SYNJ1: variants seen among roughly 807,000 people sequenced by gnomAD.
SYNJ1 encodes polyphosphatidylinositol phosphatase SYNJ1.
In SYNJ1, 78 loss-of-function variants were observed where a neutral mutation model predicts 168.2. The ratio of observed to expected loss-of-function variants is 0.46; its 90% CI spans 0.39 to 0.56. The LOEUF is 0.56. Among genes scored for constraint, SYNJ1 ranks in the 20% least tolerant of loss-of-function variants. The pLI is 0.00. For synonymous variants in SYNJ1, 539 were observed against 548.6 expected (o/e 0.98, Z 0.24); for missense variants, 1,303 against 1,597.6 (o/e 0.82, Z 3.14).
intron 11 of SYNJ1, among the ~76,000 whole-genome samples, chr21:32,681,197 A>G (rs931242641): frequency 6.6e-6 from 1 of 152,214 alleles, no homozygotes; most frequent in Non-Finnish European, 1.5e-5. Flanking sequence ...TAAAACAGAT[A>G]TACAAGGGAA....
chr21:32,655,605 C>G (rs1050008894), intron 21 of SYNJ1, among the ~76,000 whole-genome samples: 5 of 152,042 alleles, frequency 3.3e-5, no homozygotes, highest in African/African-American at 9.7e-5. Flanking sequence ...CTGACTTTCC[C>G]TACTAGATTA....
intron 2 of SYNJ1, among the ~76,000 whole-genome samples, chr21:32,713,334 A>G (rs1013096522): frequency 6.9e-6 from 1 of 145,762 alleles, no homozygotes; most frequent in Non-Finnish European, 1.5e-5. Context: ...GTCAACATGG[A>G]TGATTTCCCA....
At chr21:32,710,161 T>C (rs1229024556) in intron 2 of SYNJ1, among the ~76,000 whole-genome samples, 4 of 152,004 alleles carry the variant, frequency 2.6e-5, no homozygotes, top group East Asian at 1.9e-4. Flanking sequence ...GATTACATCA[T>C]TGTACTCCAG....
At chr21:32,639,243 A>C (rs1179320343) in intron 30 of SYNJ1, 118 bp from the exon 31 acceptor site, 1 of 923,012 alleles carries the variant, frequency 1.1e-6, no homozygotes. Flanking sequence ...AAGTAGCCTC[A>C]TTTCTTGTGG....
rs370642451 is a variant in SYNJ1 at position 32,659,983 on chromosome 21, C to T, written c.2305-2111G>A. Among the ~76,000 whole-genome samples, 122 of 152,324 alleles carry T rather than the reference C, an allele frequency of 8.0e-4. 1 individual carries two copies. The highest frequency in any genetic ancestry group is 2.5e-3 in the African/African-American group (105 of 41,554). On this transcript the variant is annotated intron_variant, in intron 18 of 32. Transcript: ENST00000674351. The stretch of plus-strand genomic sequence containing the variant: ...AGCACTTCCGGGTAGGTAATTGCCC[C>T]GGTCGAACGCCTCACCACAGCAGCG...
chr21:32,710,688 T>G (rs1329180705), intron 2 of SYNJ1, among the ~76,000 whole-genome samples: 1 of 152,126 alleles, frequency 6.6e-6, no homozygotes, highest in Non-Finnish European at 1.5e-5. Context: ...TTGCACCTGA[T>G]TGATTTGGAC....
chr21:32,722,189 GA>G (rs869294126), intron 2 of SYNJ1, among the ~76,000 whole-genome samples: 1,711 of 112,462 alleles, frequency 0.015, 13 homozygotes, highest in East Asian at 0.04. Context: ...CCATCTCAAA[GA>G]AAAAAAAAAA....
Position 32,629,498 on chromosome 21 carries a change from A to G in SYNJ1, c.*2307T>C, listed in dbSNP as rs145554788. The G allele has an allele frequency of 5.2e-5, 8 of 152,772 alleles. No individual in the cohort carries two copies. Among genetic ancestry groups the G allele is most frequent in the South Asian group, 2.1e-4 (1 of 4,830 alleles). 9.5% of individuals were successfully genotyped at this position (152,772 alleles called of 1,614,324 possible). A position where few individuals can be genotyped will look rare whatever the true frequency, so the allele number is the denominator to read the frequency against. The stretch of plus-strand genomic sequence containing the variant: ...GCTTTTTTTCTAATAGATTTGCTTT[A>G]TAAGTGCAGTGCAGTTTGCTGTGCT... On this transcript the variant is annotated 3_prime_UTR_variant, in exon 33 of 33. Transcript: ENST00000674351.
chr21:32,727,021 G>A (rs1262107768), intron 1 of SYNJ1, 104 bp from the exon 2 acceptor site: 24 of 1,473,442 alleles, frequency 1.6e-5, no homozygotes, highest in Non-Finnish European at 1.9e-5. Flanking sequence ...TTGATGGGGG[G>A]TTGGGGTGGG....
At position 32,666,572 on chromosome 21, in the gene SYNJ1, T is replaced by C; in HGVS notation, c.1813A>G (p.Thr605Ala). Reference protein sequence around the residue: ...LNAGNIVSASTTNQKLWAVEL... With the variant: ...LNAGNIVSASATNQKLWAVEL... ...ACAGCCCAGAGCTTCTGATTTGTTG[T>C]GCTACAAGAAAATATTAAAAAGAGA... Residue 605 changes from threonine (T) to alanine (A), a missense_variant and splice_region_variant, in exon 16 of 33, where the codon ACA (threonine) becomes GCA (alanine). Thr to Ala is a moderately conservative substitution (Grantham distance 58, BLOSUM62 0). Transcript: ENST00000674351. 1 of 1,602,542 alleles carries C rather than the reference T, an allele frequency of 6.2e-7. No homozygotes were observed. Among genetic ancestry groups the C allele is most frequent in the Non-Finnish European group, 8.5e-7 (1 of 1,176,908 alleles).
In SYNJ1 at chr21:32,645,670, G is replaced by T; in HGVS notation, c.3367C>A (p.Pro1123Thr). ...CCTGAAGGCGGAGGAGGTCTCTGTG[G>T]GGGAGCCGGGCGTGTGGGAGGGGCG... is the stretch of plus-strand genomic sequence containing the variant. ...PVAPPTRPAP[P>T]QRPPPPSGAR... The change falls in exon 25 of 33, where the codon CCA becomes ACA. Residue 1123 changes from proline (P) to threonine (T), a missense_variant. By Grantham distance (38) the Pro-to-Thr change is conservative. Coordinates refer to ENST00000674351, the MANE Select transcript of SYNJ1 (RefSeq NM_203446.3). 1 of 1,525,136 alleles carries T rather than the reference G, an allele frequency of 6.6e-7. No individual in the cohort carries two copies. The highest frequency in any genetic ancestry group is 8.8e-7 in the Non-Finnish European group (1 of 1,141,830). 94.5% of individuals were successfully genotyped at this position (1,525,136 alleles called of 1,614,324 possible).
chr21:32,695,212 A>G lies in SYNJ1; in HGVS notation c.550T>C (p.Cys184Arg), dbSNP rs903887015. 6.2e-7 allele frequency: 1 copy of G among 1,614,114 alleles called. No homozygotes were observed. Among genetic ancestry groups the G allele is most frequent in the Non-Finnish European group, 8.5e-7 (1 of 1,180,000 alleles). Residue 184 changes from cysteine (C) to arginine (R), a missense_variant, in exon 5 of 33, where the codon TGT becomes CGT. Around this residue, in one of 2 missense-constraint regions of SYNJ1, gnomAD observed 920 missense variants for 1,208.8 expected, o/e 0.76. Coordinates refer to ENST00000674351, the MANE Select transcript of SYNJ1 (RefSeq NM_203446.3). Reference protein sequence around the residue: ...NCDDWLLRLMCGGVEIRTIYA... With the variant: ...NCDDWLLRLMRGGVEIRTIYA... ...ATTGTTCTGATTTCTACTCCTCCAC[A>G]CATAAGACGTAATAACCAGTCATCA...
chr21:32,654,988 T>G (rs1308414137), intron 21 of SYNJ1, among the ~76,000 whole-genome samples: 1 of 152,240 alleles, frequency 6.6e-6, no homozygotes, highest in East Asian at 1.9e-4. Flanking sequence ...AACTTAGTCA[T>G]CTTGGGGTTT....
chr21:32,673,310 T>C (rs1347182068), intron 14 of SYNJ1, 30 bp downstream of exon 14: 1 of 1,574,794 alleles, frequency 6.4e-7, no homozygotes. Context: ...TCAGGATTTA[T>C]TAACTAAATC....
chr21:32,642,115 G>A lies in SYNJ1; in HGVS notation c.3497C>T (p.Thr1166Ile). 3 of 1,613,968 alleles carry A rather than the reference G, an allele frequency of 1.9e-6. No homozygotes were observed. Among genetic ancestry groups the A allele is most frequent in the Non-Finnish European group, 2.5e-6 (3 of 1,180,014 alleles). ...TTTACCTATATTATCTTTCCTTGTT[G>A]TTCCAGGGCTTTTGGGTGCTTTGAA... ...REMEAPKSPG[T>I]TRKDNIGRSQ... The change falls in exon 28 of 33, where the codon ACA (threonine) becomes ATA (isoleucine). Residue 1166 changes from threonine to isoleucine, a missense_variant. Physicochemically the swap from Thr to Ile is moderately conservative, Grantham distance 89. This residue lies in a region of SYNJ1 where 383 missense variants were observed against 388.8 expected (regional missense o/e 0.99). Coordinates refer to ENST00000674351, the MANE Select transcript of SYNJ1 (RefSeq NM_203446.3).
chr21:32,702,085 A>T lies in SYNJ1; in HGVS notation c.125-38T>A, dbSNP rs765621648. The T allele has an allele frequency of 2.8e-5, 40 of 1,423,224 alleles. 1 individual carries two copies. In the Admixed American group the frequency reaches 5.7e-4, roughly 20 times the overall value. The allele number at this position is 1,423,224 out of a possible 1,614,324, so 88.2% of individuals were successfully genotyped here. A position where few individuals can be genotyped will look rare whatever the true frequency, so the allele number is the denominator to read the frequency against. On this transcript the variant is annotated intron_variant, in intron 2 of 32. Transcript: ENST00000674351. ...GTTTTAGTTTAAGAAAAATGACCTG[A>T]AACATTGGATTCTATTTAGCTAAGT...
chr21:32,695,320 A>T, intron 4 of SYNJ1, 38 bp from the exon 5 acceptor site: 1 of 1,567,038 alleles, frequency 6.4e-7, no homozygotes, highest in Non-Finnish European at 8.7e-7. Context: ...CTTATGGAAT[A>T]CTAAGTAACA....
At chr21:32,728,064 A>G, upstream of SYNJ1, 1 of 1,523,752 alleles carries the variant, frequency 6.6e-7, no homozygotes, top group Non-Finnish European at 8.8e-7. Context: ...GGGGCGGAAG[A>G]TCCGCCCCGC....
chr21:32,657,180 A>G, intron 19 of SYNJ1, 60 bp from the exon 20 acceptor site: 1 of 1,131,624 alleles, frequency 8.8e-7, no homozygotes, highest in Non-Finnish European at 1.3e-6. Flanking sequence ...GATCGTGTAG[A>G]GCAAAGAGGC....
Sources: allele counts gnomAD v4.1 joint callset (sites outside exome capture counted in the v4.1 genomes callset), GRCh38; gene constraint gnomAD v4.1.1; regional missense constraint gnomAD v4.1.1; transcripts MANE v1.5; gene names NCBI Gene and HGNC (gene_info 2026-07-23, HGNC 2026-07-21).